LAMA5: variants seen among roughly 807,000 people sequenced by gnomAD.
LAMA5 encodes the protein laminin subunit alpha-5.
In LAMA5, 260 loss-of-function variants were observed where a neutral mutation model predicts 433.4. The observed-to-expected ratio is 0.60, with a 90% CI of 0.54 to 0.66. The LOEUF (loss-of-function observed/expected upper bound fraction) is 0.66, where lower values mean the gene tolerates loss of function less well. Ranked by LOEUF, LAMA5 falls within the 30% of genes least tolerant of loss-of-function variation. The pLI, the probability that LAMA5 is intolerant of heterozygous loss-of-function variation, is 0.00. For synonymous variants in LAMA5, 2,620 were observed against 2,226.6 expected (o/e 1.18, Z -4.97); for missense variants, 5,378 against 5,258.5 (o/e 1.02, Z -0.70).
At chr20:62,348,106 G>A (rs1055762606) in intron 6 of LAMA5, among the ~76,000 whole-genome samples, 5 of 152,126 alleles carry the variant, frequency 3.3e-5, no homozygotes, top group African/African-American at 9.7e-5. Context: ...AAGTGGTGCC[G>A]GGCTGGCGAT....
At chr20:62,351,877 C>T (rs1224154901) in intron 5 of LAMA5, 32 bp downstream of exon 5, 7 of 1,576,664 alleles carry the variant, frequency 4.4e-6, no homozygotes, top group Non-Finnish European at 6.0e-6. Flanking sequence ...CCGGCCAGTC[C>T]CCCTCCCCCG....
rs1005016249 is a variant in LAMA5 at position 62,319,030 on chromosome 20, C to T, written c.6872-17G>A. On this transcript the variant is annotated splice_polypyrimidine_tract_variant and intron_variant, in intron 51 of 79. Transcript: ENST00000252999. ...ACATGAGCTCTGTGGGGCAGGGGTT[C>T]GTCAGAGCCTGGGGCCGCCCGTACT... is the stretch of plus-strand genomic sequence containing the variant. 1.7e-5 allele frequency: 26 copies of T among 1,544,512 alleles called. No individual in the cohort carries two copies. Among genetic ancestry groups the T allele is most frequent in the Admixed American group, 9.8e-5 (5 of 51,036 alleles).
At chr20:62,345,006 G>A (rs1983135656) in intron 11 of LAMA5, among the ~76,000 whole-genome samples, 2 of 152,030 alleles carry the variant, frequency 1.3e-5, no homozygotes, top group Admixed American at 6.5e-5. Context: ...GGGGAATTGT[G>A]GATAACTTTT....
Position 62,333,965 on chromosome 20 carries a change from C to A in LAMA5, c.2814G>T (p.Gly938=), listed in dbSNP as rs910400023. The part of the protein sequence containing the change: ...FWLVFRYVNR[G]AMSVSGRVSV... ...AGACCCGCCCGCTCACACTCATGGC[C>A]CCCCGGTTGACGTATCGGAAGACGA... The change falls in exon 23 of 80, where the codon GGG becomes GGT. Residue 938 remains glycine, a synonymous_variant. Transcript: ENST00000252999. 40 of 1,612,726 alleles carry A rather than the reference C, an allele frequency of 2.5e-5. No homozygotes were observed. Among genetic ancestry groups the A allele is most frequent in the Non-Finnish European group, 3.1e-5 (36 of 1,179,846 alleles).
intron 21 of LAMA5, 31 bp downstream of exon 21, chr20:62,334,491 C>T: frequency 6.5e-7 from 1 of 1,536,148 alleles, no homozygotes; most frequent in Middle Eastern, 2.0e-4. Flanking sequence ...CTGCCCCGCT[C>T]CCCACCACCC....
intron 6 of LAMA5, 74 bp from the exon 7 acceptor site, chr20:62,347,102 G>A (rs1387230291): frequency 1.3e-5 from 15 of 1,171,778 alleles, no homozygotes; most frequent in Admixed American, 1.9e-5. Flanking sequence ...CTTCCCTGAA[G>A]GGGCCTGTGA....
chr20:62,311,354 C>A, intron 72 of LAMA5, 47 bp from the exon 73 acceptor site: 1 of 1,521,078 alleles, frequency 6.6e-7, no homozygotes, highest in Non-Finnish European at 8.8e-7. Context: ...ACAGGGGCCA[C>A]CCTTCCAGCC....
In LAMA5 at chr20:62,315,200, T is replaced by A; in HGVS notation, c.7875A>T (p.Thr2625=). ...QAMLAMDTDE[T]SKKIAHAKAV... The stretch of plus-strand genomic sequence containing the variant: ...CCTTGGCATGTGCGATCTTCTTGCT[T>A]GTCTCGTCTGTGGTGGGCAGAGGGC... The change falls in exon 59 of 80, where the codon ACA becomes ACT. Residue 2625 remains threonine, a synonymous_variant. Transcript: ENST00000252999. 1 of 1,606,080 alleles carries A rather than the reference T, an allele frequency of 6.2e-7. No homozygotes were observed. The highest frequency in any genetic ancestry group is 1.3e-5 in the African/African-American group (1 of 74,926).
chr20:62,316,413 G>A (rs1444112940), intron 57 of LAMA5: 2 of 527,040 alleles, frequency 3.8e-6, no homozygotes, highest in Non-Finnish European at 6.8e-6. Context: ...CGTATCTCTT[G>A]CCCTGTGCCC....
chr20:62,366,804 G>T, intron 1 of LAMA5, 145 bp downstream of exon 1: 1 of 1,132,520 alleles, frequency 8.8e-7, no homozygotes, highest in Non-Finnish European at 1.1e-6. Flanking sequence ...GCCGGGTCGG[G>T]GTGCCTTCTT....
At position 62,328,454 on chromosome 20, in the gene LAMA5, C is replaced by A. The variant is rs755351352; in HGVS notation, c.4448-9G>T. 5.4e-6 allele frequency: 8 copies of A among 1,484,324 alleles called. No individual in the cohort carries two copies. The highest frequency in any genetic ancestry group is 7.2e-6 in the Non-Finnish European group (8 of 1,109,726). 91.9% of individuals were successfully genotyped at this position (1,484,324 alleles called of 1,614,324 possible). On this transcript the variant is annotated splice_polypyrimidine_tract_variant and intron_variant, in intron 34 of 79. Coordinates refer to ENST00000252999, the MANE Select transcript of LAMA5 (RefSeq NM_005560.6). ...GGCACCGCAGTCACAGGCTGTGGGG[C>A]GGGTACAGGGTTTACTGACCCCTCT... is the stretch of plus-strand genomic sequence containing the variant.
At chr20:62,319,140 C>A (rs1429711958) in intron 51 of LAMA5, 127 bp from the exon 52 acceptor site, 1 of 1,002,894 alleles carries the variant, frequency 1.0e-6, no homozygotes, top group Non-Finnish European at 1.4e-6. Context: ...CCTGAGCGCA[C>A]CTGGGTGGCC....
At position 62,333,179 on chromosome 20, in the gene LAMA5, A is replaced by C. The variant is rs1214609686; in HGVS notation, c.3193T>G (p.Cys1065Gly). 1 of 1,520,404 alleles carries C rather than the reference A, an allele frequency of 6.6e-7. No individual in the cohort carries two copies. The highest frequency in any genetic ancestry group is 8.8e-7 in the Non-Finnish European group (1 of 1,135,024). The allele number at this position is 1,520,404 out of a possible 1,614,324, so 94.2% of individuals were successfully genotyped here. A position where few individuals can be genotyped will look rare whatever the true frequency, so the allele number is the denominator to read the frequency against. The change falls in exon 26 of 80, where the codon TGT becomes GGT. Residue 1065 changes from cysteine to glycine, a missense_variant. Cys to Gly is a radical substitution (Grantham distance 159). Coordinates refer to ENST00000252999, the MANE Select transcript of LAMA5 (RefSeq NM_005560.6). ...FPSAAGLEAL[C>G]RQDNSLPRPC... ...CGGGGCAGGCTGTTGTCCTGGCGAC[A>C]CAGGGCCTCCAGCCCGGCGGCCGAG... is the stretch of plus-strand genomic sequence containing the variant.
chr20:62,322,339 T>C lies in LAMA5; in HGVS notation c.6276A>G (p.Pro2092=). The C allele has an allele frequency of 6.3e-7, 1 of 1,596,398 alleles. No individual in the cohort carries two copies. The highest frequency in any genetic ancestry group is 8.5e-7 in the Non-Finnish European group (1 of 1,173,222). ...HPQSGQCHCR[P]GTMGPQCREC... The stretch of plus-strand genomic sequence containing the variant: ...CGCGGCACTGGGGTCCCATGGTCCC[T>C]GGTCGGCAGTGGCACTGTCCGCTCT... The change falls in exon 47 of 80, where the codon CCA becomes CCG. Residue 2092 remains proline (P), a synonymous_variant. Coordinates refer to ENST00000252999, the MANE Select transcript of LAMA5 (RefSeq NM_005560.6).
intron 43 of LAMA5, 33 bp from the exon 44 acceptor site, chr20:62,323,889 C>T: frequency 1.9e-6 from 3 of 1,571,102 alleles, no homozygotes; most frequent in Non-Finnish European, 2.6e-6. Flanking sequence ...TCACTAGGCC[C>T]CTGGCAGTGC....
chr20:62,333,154 C>CG lies in LAMA5; in HGVS notation c.3217dup (p.Arg1073ProfsTer22). The CG allele has an allele frequency of 6.6e-7, 1 of 1,514,358 alleles. No individual in the cohort carries two copies. Among genetic ancestry groups the CG allele is most frequent in the Non-Finnish European group, 8.8e-7 (1 of 1,133,706 alleles). The allele number at this position is 1,514,358 out of a possible 1,614,324, so 93.8% of individuals were successfully genotyped here. A position where few individuals can be genotyped will look rare whatever the true frequency, so the allele number is the denominator to read the frequency against. The stretch of plus-strand genomic sequence containing the variant: ...GCTGAGCTGCTCCGTGGGGCAGGGC[C>CG]GGGGCAGGCTGTTGTCCTGGCGACA... On this transcript the variant is annotated frameshift_variant, in exon 26 of 80. Transcript: ENST00000252999. LOFTEE classifies it high-confidence loss of function.
chr20:62,360,929 C>T (rs957658722), intron 2 of LAMA5, among the ~76,000 whole-genome samples: 3 of 152,124 alleles, frequency 2.0e-5, no homozygotes, highest in Admixed American at 6.5e-5. Flanking sequence ...GTGTCAGTCC[C>T]GGCTTCCCTG....
At position 62,334,660 on chromosome 20, in the gene LAMA5, C is replaced by G. The variant is rs987004336; in HGVS notation, c.2483-39G>C. On this transcript the variant is annotated intron_variant, in intron 20 of 79. Coordinates refer to ENST00000252999, the MANE Select transcript of LAMA5 (RefSeq NM_005560.6). ...GTGGGAGGTCAGAGGCTGCCTGGCC[C>G]CCACCCAGCCTCAGGGGCCCCTCAC... The G allele has an allele frequency of 3.3e-6, 5 of 1,511,724 alleles. No homozygotes were observed. In the African/African-American group the frequency reaches 6.9e-5, roughly 21 times the overall value. 93.6% of individuals were successfully genotyped at this position (1,511,724 alleles called of 1,614,324 possible).
chr20:62,323,234 GGGGCCTGATCGCTGGGGCGGGA>G (rs879307764), intron 45 of LAMA5, among the ~76,000 whole-genome samples, 200 bp downstream of exon 45: 505 of 132,288 alleles, frequency 3.8e-3, no homozygotes, highest in Middle Eastern at 7.8e-3. Context: ...TGATGGTGAA[GGGGCCTGATCGCTGGGGCGGGA>G]GGGCCTGATC....
Sources: allele counts gnomAD v4.1 joint callset (sites outside exome capture counted in the v4.1 genomes callset), GRCh38; gene constraint gnomAD v4.1.1; transcripts MANE v1.5; gene names NCBI Gene and HGNC (gene_info 2026-07-23, HGNC 2026-07-21).